The following ZNF608 variants were observed in gnomAD, a reference collection of about 807,000 sequenced individuals.
ZNF608 encodes zinc finger protein 608.
Under a neutral mutation model 109.0 loss-of-function variants are expected in ZNF608, and 12 were observed. That is an observed-to-expected ratio of 0.11 (90% confidence interval 0.07 to 0.18). The LOEUF (loss-of-function observed/expected upper bound fraction) is 0.18. Among genes scored for constraint, ZNF608 ranks in the 10% least tolerant of loss-of-function variants. The pLI, the probability that ZNF608 is intolerant of heterozygous loss-of-function variation, is 1.00. For missense variants in ZNF608, 1,707 were observed against 1,879.3 expected, an observed-to-expected ratio of 0.91 and a Z score of 1.70; for synonymous variants, 732 against 717.4, an observed-to-expected ratio of 1.02 and a Z score of -0.33.
In ZNF608 at chr5:124,713,473, G is replaced by A. The variant is rs1753578856; in HGVS notation, c.907-12204C>T. Among the ~76,000 whole-genome samples the A allele has an allele frequency of 2.0e-5, 3 of 152,258 alleles. No individual in the cohort carries two copies. The South Asian group carries it at 6.2e-4, about 32-fold the overall frequency. On this transcript the variant is annotated intron_variant, in intron 2 of 9. Coordinates refer to ENST00000513986, the MANE Select transcript of ZNF608 (RefSeq NM_020747.3). ...CATTAACTTTGAACACTTATTAAGT[G>A]GAATGTTATTCTCTCCCACAAAAAG...
At chr5:124,712,569 G>A (rs1471467832) in intron 2 of ZNF608, among the ~76,000 whole-genome samples, 6 of 152,112 alleles carry the variant, frequency 3.9e-5, no homozygotes, top group Non-Finnish European at 8.8e-5. Flanking sequence ...CCTGGAAAGT[G>A]GGGTGACTAA....
intron 2 of ZNF608, among the ~76,000 whole-genome samples, chr5:124,721,201 G>A (rs1316730469): frequency 2.0e-5 from 3 of 152,192 alleles, no homozygotes; most frequent in Admixed American, 1.3e-4. Flanking sequence ...AATTAAAAAT[G>A]TCACATAAAT....
intron 3 of ZNF608, among the ~76,000 whole-genome samples, chr5:124,653,962 G>A (rs2149795823): frequency 6.6e-6 from 1 of 152,234 alleles, no homozygotes; most frequent in Non-Finnish European, 1.5e-5. Flanking sequence ...CTTCATCACT[G>A]ATAGAAGATT....
chr5:124,744,296 C>T lies in ZNF608; in HGVS notation c.694G>A (p.Gly232Arg), dbSNP rs1053748447. ...GCCCCAAAGCCATAGAGGTGCCCCC[C>T]GGAAGGGGCCTGGCTGCCACTGCCA... The part of the protein sequence containing the change: ...QNGSGSQAPS[G>R]GHLYGFGAKS... The change falls in exon 2 of 10, where the codon GGG becomes AGG. Residue 232 changes from glycine to arginine, a missense_variant. Coordinates refer to ENST00000513986, the MANE Select transcript of ZNF608 (RefSeq NM_020747.3). The surrounding 1 kb of genome is among the most constrained non-coding windows in gnomAD (Gnocchi z 4.5). 1 of 1,613,982 alleles carries T rather than the reference C, an allele frequency of 6.2e-7. No individual in the cohort carries two copies. Among genetic ancestry groups the T allele is most frequent in the East Asian group, 2.2e-5 (1 of 44,880 alleles).
intron 2 of ZNF608, among the ~76,000 whole-genome samples, chr5:124,734,219 T>C (rs973518097): frequency 2.6e-5 from 4 of 152,174 alleles, no homozygotes; most frequent in Non-Finnish European, 1.5e-5. Context: ...ATTTCGCCGT[T>C]TACATTAAGA....
intron 2 of ZNF608, among the ~76,000 whole-genome samples, chr5:124,727,663 A>AC (rs1361583000): frequency 6.7e-6 from 1 of 149,540 alleles, no homozygotes; most frequent in African/African-American, 2.4e-5. Flanking sequence ...AAAAAAAAAA[A>AC]AAAAAAACCA....
chr5:124,744,666 C>A lies in ZNF608; in HGVS notation c.324G>T (p.Arg108Ser). The A allele has an allele frequency of 2.5e-6, 4 of 1,614,172 alleles. No homozygotes were observed. The highest frequency in any genetic ancestry group is 3.4e-6 in the Non-Finnish European group (4 of 1,180,036). The change falls in exon 2 of 10, where the codon AGG (arginine) becomes AGT (serine). Residue 108 changes from arginine (R) to serine (S), a missense_variant. Around this residue, in one of 7 missense-constraint regions of ZNF608, gnomAD observed 407 missense variants for 398.7 expected, o/e 1.02. Coordinates refer to ENST00000513986, the MANE Select transcript of ZNF608 (RefSeq NM_020747.3). The surrounding 1 kb of genome is among the most constrained non-coding windows in gnomAD (Gnocchi z 4.5). The stretch of plus-strand genomic sequence containing the variant: ...TATTAGCATCCTTAGAAGTTTTACT[C>A]CTTTTCACTTTTGATTTGCTGGTCT... ...HKETSKSKVK[R>S]SKTSKDANKS...
At chr5:124,646,576 G>A in intron 5 of ZNF608, 103 bp downstream of exon 5, 7 of 1,404,820 alleles carry the variant, frequency 5.0e-6, no homozygotes, top group Non-Finnish European at 6.7e-6. Context: ...ACTAATATGG[G>A]TTTCTTTCCT....
At chr5:124,638,096 A>G (rs1265530080) in intron 9 of ZNF608, among the ~76,000 whole-genome samples, 190 bp from the exon 10 acceptor site, 2 of 151,442 alleles carry the variant, frequency 1.3e-5, no homozygotes, top group Admixed American at 6.6e-5. Context: ...GATTATAGGC[A>G]TGTGCCACCA....
chr5:124,677,621 C>G (rs1446886650), intron 3 of ZNF608, among the ~76,000 whole-genome samples: 1 of 152,040 alleles, frequency 6.6e-6, no homozygotes, highest in East Asian at 1.9e-4. Flanking sequence ...GCCAACCCAA[C>G]TATTTCAGGT....
intron 2 of ZNF608, among the ~76,000 whole-genome samples, chr5:124,723,929 G>C (rs1042819987): frequency 5.9e-5 from 9 of 151,832 alleles, no homozygotes; most frequent in African/African-American, 2.2e-4. Context: ...TCAATATTTA[G>C]GAAAATAAAT....
intron 3 of ZNF608, among the ~76,000 whole-genome samples, chr5:124,656,111 A>G (rs551343226): frequency 2.4e-4 from 37 of 152,294 alleles, no homozygotes; most frequent in Admixed American, 5.2e-4. Flanking sequence ...TAATCAAACC[A>G]TCTGGAACAC....
At chr5:124,662,468 A>G (rs1751302204) in intron 3 of ZNF608, among the ~76,000 whole-genome samples, 1 of 152,350 alleles carries the variant, frequency 6.6e-6, no homozygotes, top group Admixed American at 6.5e-5. Flanking sequence ...TGAGCCAATC[A>G]ATCACACTCT....
In ZNF608 at chr5:124,641,236, T is replaced by C. The variant is rs759517232; in HGVS notation, c.4450+16A>G. ...AGCAGAATGGACAAAGACACAGTAATGATAGAGCTGCTGACCTTGAAAAGG... is the reference window on the plus strand; with the variant it reads ...AGCAGAATGGACAAAGACACAGTAACGATAGAGCTGCTGACCTTGAAAAGG... On this transcript the variant is annotated intron_variant, in intron 8 of 9. Coordinates refer to ENST00000513986, the MANE Select transcript of ZNF608 (RefSeq NM_020747.3). 3.1e-6 allele frequency: 5 copies of C among 1,613,300 alleles called. No individual in the cohort carries two copies. Among genetic ancestry groups the C allele is most frequent in the Admixed American group, 1.7e-5 (1 of 60,010 alleles).
rs1447881227 is a variant in ZNF608 at position 124,647,873 on chromosome 5, C to T, written c.2511G>A (p.Gly837=). The T allele has an allele frequency of 4.3e-6, 7 of 1,614,112 alleles. No homozygotes were observed. The highest frequency in any genetic ancestry group is 5.9e-6 in the Non-Finnish European group (7 of 1,180,040). ...TGSPKMDAKL[G]KLEDSKGASK... is the part of the protein sequence containing the mutation. ...TGGCCCCCTTGGAGTCCTCTAGTTT[C>T]CCCAGCTTGGCATCCATTTTTGGGC... The change falls in exon 5 of 10, where the codon GGG becomes GGA. Residue 837 remains glycine (G), a synonymous_variant. Transcript: ENST00000513986.
intron 2 of ZNF608, among the ~76,000 whole-genome samples, chr5:124,731,527 A>T (rs1231877912): frequency 6.6e-6 from 1 of 152,018 alleles, no homozygotes; most frequent in African/African-American, 2.4e-5. Flanking sequence ...CACAAGATTT[A>T]AAAGTTTGGA....
intron 2 of ZNF608, among the ~76,000 whole-genome samples, chr5:124,720,695 T>G (rs1753867927): frequency 1.3e-5 from 2 of 152,180 alleles, no homozygotes; most frequent in South Asian, 4.1e-4. Flanking sequence ...ATGATTAAAG[T>G]GTCAGAATGG....
chr5:124,700,970 G>A, intron 3 of ZNF608, 44 bp downstream of exon 3: 1 of 1,604,902 alleles, frequency 6.2e-7, no homozygotes, highest in African/African-American at 1.3e-5. Context: ...ATACATCATG[G>A]GGAAGAGGGC....
rs756251588 is a variant in ZNF608, at chr5:124,648,924, G to A, written c.1460C>T (p.Ala487Val). 7 of 1,614,090 alleles carry A rather than the reference G, an allele frequency of 4.3e-6. No individual in the cohort carries two copies. In the South Asian group the frequency reaches 7.7e-5, roughly 18 times the overall value. The part of the protein sequence containing the change: ...SGRRTPPNCA[A>V]EDIKASPSST... Reference sequence around the variant, plus strand: ...GGAAGGGCTGGCTTTGATATCCTCAGCAGCACAATTTGGGGGTGTCCTTCG... The same window carrying A: ...GGAAGGGCTGGCTTTGATATCCTCAACAGCACAATTTGGGGGTGTCCTTCG... Residue 487 changes from alanine (A) to valine (V), a missense_variant, in exon 5 of 10, where the codon GCT (alanine) becomes GTT (valine). Coordinates refer to ENST00000513986, the MANE Select transcript of ZNF608 (RefSeq NM_020747.3).
Sources: gnomAD v4.1 joint callset for allele counts (sites outside exome capture counted in the v4.1 genomes callset) on GRCh38, gnomAD v4.1.1 for gene constraint, gnomAD v4.1.1 regional missense constraint, Gnocchi (gnomAD v3.1) non-coding constraint, MANE v1.5 for transcripts, NCBI Gene and HGNC (gene_info 2026-07-23, HGNC 2026-07-21) for gene names.